KIRREL3: variants seen among roughly 807,000 people sequenced by gnomAD.
KIRREL3 encodes the protein kirre like nephrin family adhesion molecule 3.
A neutral mutation model predicts 89.7 loss-of-function variants in KIRREL3; 36 were observed. The observed-to-expected ratio is 0.40, with a 90% CI of 0.31 to 0.53. The LOEUF (loss-of-function observed/expected upper bound fraction) is 0.53, where lower values mean the gene tolerates loss of function less well. Among genes scored for constraint, KIRREL3 ranks in the 20% least tolerant of loss-of-function variants. The pLI is 0.49. For missense variants in KIRREL3, 864 were observed against 1,056.6 expected, an observed-to-expected ratio of 0.82 and a Z score of 2.53; for synonymous variants, 445 against 441.4, an observed-to-expected ratio of 1.01 and a Z score of -0.10.
intron 1 of KIRREL3, among the ~76,000 whole-genome samples, chr11:126,691,976 C>T (rs1946893770): frequency 6.6e-6 from 1 of 152,220 alleles, no homozygotes; most frequent in Non-Finnish European, 1.5e-5. Context: ...GGTATCACCT[C>T]ACACCCATTA....
chr11:126,453,861 C>T (rs1956257907), intron 7 of KIRREL3, among the ~76,000 whole-genome samples: 1 of 152,126 alleles, frequency 6.6e-6, no homozygotes, highest in South Asian at 2.1e-4. Context: ...TAGTGAGTCT[C>T]TGCAGGGCAC....
chr11:126,541,908 C>A lies in KIRREL3; in HGVS notation c.134-15221G>T, dbSNP rs984977396. Among the ~76,000 whole-genome samples the A allele has an allele frequency of 3.3e-5, 5 of 152,184 alleles. No individual in the cohort carries two copies. The highest frequency in any genetic ancestry group is 1.2e-4 in the African/African-American group (5 of 41,444). ...TCACACCTTTTGAAAGTTCATGCAA[C>A]CCTTTTTGTCAGTGAAGTCTCACAG... On this transcript the variant is annotated intron_variant, in intron 2 of 16. Transcript: ENST00000525144. This position sits in a 1 kb window ranked among gnomAD's most constrained non-coding sequence, Gnocchi z 4.8.
At chr11:126,826,821 T>A (rs1943432941) in intron 1 of KIRREL3, among the ~76,000 whole-genome samples, 1 of 152,208 alleles carries the variant, frequency 6.6e-6, no homozygotes, top group African/African-American at 2.4e-5. Context: ...TCTATCACGA[T>A]GCTTAAAGTG....
At chr11:126,524,507 C>T (rs1958689570) in intron 3 of KIRREL3, among the ~76,000 whole-genome samples, 1 of 152,194 alleles carries the variant, frequency 6.6e-6, no homozygotes, top group African/African-American at 2.4e-5. Context: ...CTTCTTTTCT[C>T]CCTCCGGATC....
rs754992174 is a variant in KIRREL3 at position 126,802,611 on chromosome 11, G to A, written c.55+197844C>T. Among the ~76,000 whole-genome samples, 137 of 152,102 alleles carry A rather than the reference G, an allele frequency of 9.0e-4. No individual in the cohort carries two copies. The highest frequency in any genetic ancestry group is 2.4e-4 in the Non-Finnish European group (16 of 68,028). On this transcript the variant is annotated intron_variant, in intron 1 of 16. Transcript: ENST00000525144. The surrounding 1 kb of genome is among the most constrained non-coding windows in gnomAD (Gnocchi z 5.2). Reference sequence around the variant, plus strand: ...CATGTGTGTGTGTGAGTGACCCTGCGATGGGAGGGTGTCCTGTCGGGGGCT... The same window carrying A: ...CATGTGTGTGTGTGAGTGACCCTGCAATGGGAGGGTGTCCTGTCGGGGGCT...
In KIRREL3 at chr11:126,918,591, G is replaced by C. The variant is rs1947135160; in HGVS notation, c.55+81864C>G. Among the ~76,000 whole-genome samples, 1 of 152,180 alleles carries C rather than the reference G, an allele frequency of 6.6e-6. No individual in the cohort carries two copies. The highest frequency in any genetic ancestry group is 2.1e-4 in the South Asian group (1 of 4,824). ...GACATAGGTTAGGTACATTTACACA[G>C]AGAACTAAAATGATACATTCTCTGC... is the stretch of plus-strand genomic sequence containing the variant. On this transcript the variant is annotated intron_variant, in intron 1 of 16. Coordinates refer to ENST00000525144, the MANE Select transcript of KIRREL3 (RefSeq NM_032531.4). This position sits in a 1 kb window ranked among gnomAD's most constrained non-coding sequence, Gnocchi z 6.5.
At chr11:126,731,722 T>C (rs913291529) in intron 1 of KIRREL3, among the ~76,000 whole-genome samples, 8 of 152,342 alleles carry the variant, frequency 5.3e-5, no homozygotes, top group African/African-American at 1.7e-4. Flanking sequence ...TTTTAGGTCC[T>C]GAGCTACTTG....
rs1247343495 is a variant in KIRREL3, at chr11:126,918,822, G to A, written c.55+81633C>T. Among the ~76,000 whole-genome samples the A allele has an allele frequency of 6.6e-6, 1 of 152,052 alleles. No homozygotes were observed. Among genetic ancestry groups the A allele is most frequent in the Admixed American group, 6.6e-5 (1 of 15,260 alleles). ...GATGTCTGCATGTTATAAAGAATGG[G>A]GAGCTAGCTGCCAAGACATTCCTAT... On this transcript the variant is annotated intron_variant, in intron 1 of 16. Coordinates refer to ENST00000525144, the MANE Select transcript of KIRREL3 (RefSeq NM_032531.4). The surrounding 1 kb of genome is among the most constrained non-coding windows in gnomAD (Gnocchi z 6.5).
Position 126,669,776 on chromosome 11 carries a change from A to G in KIRREL3, c.56-106864T>C, listed in dbSNP as rs1405214004. On this transcript the variant is annotated intron_variant, in intron 1 of 16. Transcript: ENST00000525144. This position sits in a 1 kb window ranked among gnomAD's most constrained non-coding sequence, Gnocchi z 5.0. ...TGAGATACAGATGATTTTTTAAATT[A>G]TAAATCCAGTCTTGACCTATCCCTT... 6.6e-6 allele frequency among the ~76,000 whole-genome samples: 1 copy of G among 152,242 alleles called. No individual in the cohort carries two copies. Among genetic ancestry groups the G allele is most frequent in the East Asian group, 1.9e-4 (1 of 5,206 alleles).
rs1328194381 is a variant in KIRREL3 at position 126,764,053 on chromosome 11, A to G, written c.56-201141T>C. The stretch of plus-strand genomic sequence containing the variant: ...GGAAAGGTGGGTTATACAGATGCCC[A>G]GTGATATTTCAGAAGCTCTAATTAA... On this transcript the variant is annotated intron_variant, in intron 1 of 16. Coordinates refer to ENST00000525144, the MANE Select transcript of KIRREL3 (RefSeq NM_032531.4). The surrounding 1 kb of genome is among the most constrained non-coding windows in gnomAD (Gnocchi z 4.2). Among the ~76,000 whole-genome samples the G allele has an allele frequency of 1.3e-5, 2 of 152,178 alleles. No homozygotes were observed. Among genetic ancestry groups the G allele is most frequent in the African/African-American group, 2.4e-5 (1 of 41,438 alleles).
chr11:126,788,242 G>T lies in KIRREL3; in HGVS notation c.55+212213C>A, dbSNP rs1360046976. On this transcript the variant is annotated intron_variant, in intron 1 of 16. Transcript: ENST00000525144. The surrounding 1 kb of genome is among the most constrained non-coding windows in gnomAD (Gnocchi z 4.1). Reference sequence around the variant, plus strand: ...CCATCTCTTTTTCATTCCTATGGACGTTGCCTCCCAGGGCTGCTCTCCAAG... The same window carrying T: ...CCATCTCTTTTTCATTCCTATGGACTTTGCCTCCCAGGGCTGCTCTCCAAG... Among the ~76,000 whole-genome samples, 3 of 152,190 alleles carry T rather than the reference G, an allele frequency of 2.0e-5. No homozygotes were observed. The highest frequency in any genetic ancestry group is 6.5e-5 in the Admixed American group (1 of 15,280).
rs1447677335 is a variant in KIRREL3, at chr11:126,628,706, T to C, written c.56-65794A>G. Among the ~76,000 whole-genome samples, 4 of 152,330 alleles carry C rather than the reference T, an allele frequency of 2.6e-5. No homozygotes were observed. The highest frequency in any genetic ancestry group is 1.9e-4 in the East Asian group (1 of 5,176). On this transcript the variant is annotated intron_variant, in intron 1 of 16. Coordinates refer to ENST00000525144, the MANE Select transcript of KIRREL3 (RefSeq NM_032531.4). This position sits in a 1 kb window ranked among gnomAD's most constrained non-coding sequence, Gnocchi z 5.2. ...CTCTCTGCCTCTCCTGAAAGACTAA[T>C]ACTAAGCACTCTTATCTCACCCCTT...
In KIRREL3 at chr11:126,429,358, A is replaced by C; in HGVS notation, c.1697-70T>G. On this transcript the variant is annotated intron_variant, in intron 14 of 16. Transcript: ENST00000525144. This position sits in a 1 kb window ranked among gnomAD's most constrained non-coding sequence, Gnocchi z 5.2. ...CCTTTGAGATGTCAAGCTCCCTTGC[A>C]GTCCCCTGCCCCTGCCCTGCCACCC... is the stretch of plus-strand genomic sequence containing the variant. 9.0e-7 allele frequency: 1 copy of C among 1,113,964 alleles called. No homozygotes were observed. The highest frequency in any genetic ancestry group is 1.4e-6 in the Non-Finnish European group (1 of 740,264). The allele number at this position is 1,113,964 out of a possible 1,614,324, so 69.0% of individuals were successfully genotyped here.
chr11:127,001,434 T>A (rs1192471506), upstream of KIRREL3, among the ~76,000 whole-genome samples: 1 of 151,982 alleles, frequency 6.6e-6, no homozygotes, highest in Non-Finnish European at 1.5e-5. Context: ...CACACACCCA[T>A]TTATTATCAT....
At chr11:126,854,398 A>C (rs1460637925) in intron 1 of KIRREL3, among the ~76,000 whole-genome samples, 1 of 152,108 alleles carries the variant, frequency 6.6e-6, no homozygotes, top group Non-Finnish European at 1.5e-5. Context: ...CATTACCTCC[A>C]GCCCCTGACA....
intron 1 of KIRREL3, among the ~76,000 whole-genome samples, chr11:126,794,278 T>G (rs1001966143): frequency 1.3e-5 from 2 of 152,254 alleles, no homozygotes; most frequent in Admixed American, 6.5e-5. Flanking sequence ...TTAGTACTCA[T>G]AGATCATGCC....
chr11:126,714,949 C>T (rs1947902069), intron 1 of KIRREL3, among the ~76,000 whole-genome samples: 1 of 152,184 alleles, frequency 6.6e-6, no homozygotes, highest in African/African-American at 2.4e-5. Flanking sequence ...TTTCCTCCTG[C>T]TTCCCCATCC....
chr11:126,713,660 A>G (rs904186797), intron 1 of KIRREL3, among the ~76,000 whole-genome samples: 3 of 152,182 alleles, frequency 2.0e-5, no homozygotes, highest in Non-Finnish European at 2.9e-5. Flanking sequence ...CAGACATTCA[A>G]CAACAAATGA....
chr11:126,829,252 G>C (rs1448064276), intron 1 of KIRREL3, among the ~76,000 whole-genome samples: 1 of 152,220 alleles, frequency 6.6e-6, no homozygotes, highest in African/African-American at 2.4e-5. Flanking sequence ...AACAGGATCT[G>C]TCACGGGTGC....
Sources: gnomAD v4.1 joint callset for allele counts (sites outside exome capture counted in the v4.1 genomes callset) on GRCh38, gnomAD v4.1.1 for gene constraint, Gnocchi (gnomAD v3.1) non-coding constraint, MANE v1.5 for transcripts, NCBI Gene and HGNC (gene_info 2026-07-23, HGNC 2026-07-21) for gene names.